CDH13: variants seen among roughly 807,000 people sequenced by gnomAD.
CDH13 encodes the protein cadherin-13.
A neutral mutation model predicts 63.8 loss-of-function variants in CDH13; 24 were observed. That is an observed-to-expected ratio of 0.38 (90% confidence interval 0.27 to 0.53). CDH13 has a LOEUF of 0.53. Ranked by LOEUF, CDH13 falls within the 20% of genes least tolerant of loss-of-function variation. The probability of loss-of-function intolerance (pLI) is 0.85; values close to 1 mark genes in which losing one functional copy is unlikely to be tolerated. For missense variants in CDH13, 1,049 were observed against 903.1 expected, an observed-to-expected ratio of 1.16 and a Z score of -2.07; for synonymous variants, 503 against 355.3, an observed-to-expected ratio of 1.42 and a Z score of -4.67.
chr16:83,064,879 C>T (rs918266393), intron 3 of CDH13, among the ~76,000 whole-genome samples: 1 of 152,124 alleles, frequency 6.6e-6, no homozygotes, highest in Non-Finnish European at 1.5e-5. Flanking sequence ...AATTGACTCT[C>T]TTAGTTATTT....
At chr16:83,676,157 G>C (rs16961250) in intron 9 of CDH13, among the ~76,000 whole-genome samples, 2 of 152,080 alleles carry the variant, frequency 1.3e-5, no homozygotes, top group Non-Finnish European at 2.9e-5. Context: ...GGAGCTGAGC[G>C]GCACAAATTG....
chr16:82,787,045 T>G (rs1597578965), intron 1 of CDH13, among the ~76,000 whole-genome samples: 1 of 152,162 alleles, frequency 6.6e-6, no homozygotes, highest in South Asian at 2.1e-4. Context: ...TTATTTGAAA[T>G]GGATAGCTTC....
At chr16:83,170,827 C>G (rs567475184) in intron 4 of CDH13, among the ~76,000 whole-genome samples, 4 of 152,094 alleles carry the variant, frequency 2.6e-5, no homozygotes, top group African/African-American at 9.6e-5. Flanking sequence ...TTTGACCAAA[C>G]TTTTCAACAT....
intron 5 of CDH13, among the ~76,000 whole-genome samples, chr16:83,235,731 T>C (rs1424170): frequency 0.99 from 150,917 of 152,238 alleles, 74,821 homozygotes; most frequent in Middle Eastern, 1. Flanking sequence ...TATGTAGATA[T>C]TATTCAGAAA....
chr16:82,790,948 C>T (rs2151135493), intron 1 of CDH13, among the ~76,000 whole-genome samples: 1 of 152,304 alleles, frequency 6.6e-6, no homozygotes, highest in East Asian at 1.9e-4. Context: ...ACTAAGAATT[C>T]CTAAGCCAGC....
chr16:82,728,763 A>T (rs918410749), intron 1 of CDH13, among the ~76,000 whole-genome samples: 2 of 152,132 alleles, frequency 1.3e-5, no homozygotes, highest in Non-Finnish European at 2.9e-5. Flanking sequence ...TTTTACAAAA[A>T]CTTTCTGTAA....
At chr16:83,015,998 G>A (rs1037297308) in intron 2 of CDH13, among the ~76,000 whole-genome samples, 5 of 151,990 alleles carry the variant, frequency 3.3e-5, no homozygotes, top group Admixed American at 1.3e-4. Context: ...ATATGTGAGC[G>A]CTATTGTTGT....
intron 7 of CDH13, among the ~76,000 whole-genome samples, chr16:83,488,342 T>C (rs1195994290): frequency 6.6e-6 from 1 of 152,168 alleles, no homozygotes; most frequent in Non-Finnish European, 1.5e-5. Flanking sequence ...TTGAAGTACT[T>C]CTAAAAATCC....
At chr16:83,025,733 A>G (rs1333310237) in intron 2 of CDH13, among the ~76,000 whole-genome samples, 1 of 152,154 alleles carries the variant, frequency 6.6e-6, no homozygotes, top group Non-Finnish European at 1.5e-5. Flanking sequence ...TTCTTGGGGC[A>G]CGGAAATAAC....
chr16:83,152,956 C>T lies in CDH13; in HGVS notation c.483+27455C>T, dbSNP rs1249096103. Among the ~76,000 whole-genome samples the T allele has an allele frequency of 1.1e-4, 16 of 152,290 alleles. No individual in the cohort carries two copies. In the East Asian group the frequency reaches 1.9e-3, roughly 18 times the overall value. ...GAAAGCAGAGATTGGGATGATGCAT[C>T]TACAAGGCACGGAATGCCAAGAACA... On this transcript the variant is annotated intron_variant, in intron 4 of 13. Transcript: ENST00000567109.
chr16:83,057,963 A>G (rs1189206017), intron 3 of CDH13, among the ~76,000 whole-genome samples: 3 of 152,210 alleles, frequency 2.0e-5, no homozygotes, highest in Non-Finnish European at 2.9e-5. Flanking sequence ...CTTACAAATG[A>G]TATTTTTTAA....
intron 8 of CDH13, among the ~76,000 whole-genome samples, chr16:83,649,890 C>G (rs1289962171): frequency 6.6e-6 from 1 of 152,230 alleles, no homozygotes; most frequent in Non-Finnish European, 1.5e-5. Flanking sequence ...TTCTAACCAG[C>G]TCACAGCTAA....
chr16:83,023,166 A>G (rs575307031), intron 2 of CDH13: 27 of 152,254 alleles, frequency 1.8e-4, no homozygotes, highest in African/African-American at 6.5e-4. Context: ...CTCCCAGCTG[A>G]AGTTTGTCTT....
intron 1 of CDH13, among the ~76,000 whole-genome samples, chr16:82,653,225 GATA>G (rs1231342264): frequency 6.6e-6 from 1 of 152,190 alleles, no homozygotes; most frequent in African/African-American, 2.4e-5. Context: ...CTGAGGACCT[GATA>G]ATGTTTCTCC....
chr16:82,971,400 C>G (rs913776119), intron 2 of CDH13, among the ~76,000 whole-genome samples: 1 of 152,216 alleles, frequency 6.6e-6, no homozygotes, highest in Non-Finnish European at 1.5e-5. Flanking sequence ...GTTGCAAGGT[C>G]TGTTCCTAGG....
intron 3 of CDH13, among the ~76,000 whole-genome samples, chr16:83,074,675 G>A (rs2032692029): frequency 6.6e-6 from 1 of 152,114 alleles, no homozygotes; most frequent in South Asian, 2.1e-4. Flanking sequence ...TTTTTGCAAT[G>A]ACTGATTTCT....
chr16:83,619,659 C>G (rs1388070847), intron 8 of CDH13, among the ~76,000 whole-genome samples: 1 of 152,256 alleles, frequency 6.6e-6, no homozygotes, highest in Non-Finnish European at 1.5e-5. Flanking sequence ...TCCATCTACA[C>G]CTGGCTTCTC....
intron 1 of CDH13, chr16:82,823,756 A>C (rs955184773): frequency 6.6e-6 from 1 of 152,210 alleles, no homozygotes; most frequent in Non-Finnish European, 1.5e-5. Flanking sequence ...AATTTGGAGA[A>C]CTAGAATATT....
intron 1 of CDH13, among the ~76,000 whole-genome samples, chr16:82,838,726 G>C (rs935447058): frequency 6.6e-6 from 1 of 151,990 alleles, no homozygotes; most frequent in African/African-American, 2.4e-5. Context: ...ACCTTTTTTG[G>C]CCTAGGTTGT....
Sources: gnomAD v4.1 joint callset for allele counts (sites outside exome capture counted in the v4.1 genomes callset) on GRCh38, gnomAD v4.1.1 for gene constraint, MANE v1.5 for transcripts, NCBI Gene and HGNC (gene_info 2026-07-23, HGNC 2026-07-21) for gene names.